MIPOL1: variants seen among roughly 807,000 people sequenced by gnomAD.
MIPOL1 encodes mirror-image polydactyly 1, also known as mirror-image polydactyly gene 1 protein.
A neutral mutation model predicts 60.9 loss-of-function variants in MIPOL1; 57 were observed. The ratio of observed to expected loss-of-function variants is 0.94; its 90% CI spans 0.76 to 1.17. The LOEUF is 1.17. Ranked by LOEUF, MIPOL1 falls within the 50% of genes most tolerant of loss-of-function variation. The probability of loss-of-function intolerance (pLI) is 0.00; values close to 1 mark genes in which losing one functional copy is unlikely to be tolerated. For missense variants in MIPOL1, 551 were observed against 511.6 expected, an observed-to-expected ratio of 1.08 and a Z score of -0.74; for synonymous variants, 179 against 168.8, an observed-to-expected ratio of 1.06 and a Z score of -0.47.
chr14:37,294,968 T>G (rs547032588), intron 7 of MIPOL1, among the ~76,000 whole-genome samples: 1 of 152,074 alleles, frequency 6.6e-6, no homozygotes, highest in Non-Finnish European at 1.5e-5. Context: ...ACAAAGATAC[T>G]CCTCAAGAAG....
chr14:37,291,821 A>ACATTAATT (rs2085082919), intron 7 of MIPOL1, among the ~76,000 whole-genome samples: 1 of 151,980 alleles, frequency 6.6e-6, no homozygotes, highest in Non-Finnish European at 1.5e-5. Flanking sequence ...TTCTATAATG[A>ACATTAATT]CATTAATTCA....
At chr14:37,370,842 A>T (rs2092619216) in intron 10 of MIPOL1, among the ~76,000 whole-genome samples, 2 of 152,162 alleles carry the variant, frequency 1.3e-5, no homozygotes, top group Non-Finnish European at 2.9e-5. Context: ...GAAAACTAAT[A>T]ATAATTTTTA....
intron 10 of MIPOL1, chr14:37,385,880 G>A (rs140011176): frequency 3.3e-5 from 5 of 152,140 alleles, no homozygotes; most frequent in African/African-American, 1.2e-4. Flanking sequence ...AAAATTGCAT[G>A]AACCAAAGTG....
intron 11 of MIPOL1, among the ~76,000 whole-genome samples, chr14:37,431,601 C>T (rs2094069610): frequency 3.1e-5 from 1 of 32,516 alleles, no homozygotes; most frequent in Non-Finnish European, 5.8e-5. Context: ...TTTTTTGAGA[C>T]AGAGTCTTGC....
In MIPOL1 at chr14:37,264,694, A is replaced by G. The variant is rs192476996; in HGVS notation, c.20-2244A>G. 6.4e-4 allele frequency among the ~76,000 whole-genome samples: 98 copies of G among 152,188 alleles called. 1 individual carries two copies. The highest frequency in any genetic ancestry group is 1.0e-3 in the Non-Finnish European group (68 of 67,992). On this transcript the variant is annotated intron_variant, in intron 3 of 12. Coordinates refer to ENST00000684589, the MANE Select transcript of MIPOL1 (RefSeq NM_001388067.1). ...AAAGCAAGCATGATAAAATGTTAAT[A>G]TTTGGGGAGTCTAGGTAAAGGGCAT...
At chr14:37,338,866 T>C (rs1202698372) in intron 9 of MIPOL1, among the ~76,000 whole-genome samples, 1 of 152,178 alleles carries the variant, frequency 6.6e-6, no homozygotes, top group Non-Finnish European at 1.5e-5. Context: ...ACAAGACAGC[T>C]AACACTTTAA....
Position 37,418,803 on chromosome 14 carries a change from G to A in MIPOL1, c.937-4052G>A, listed in dbSNP as rs61081581. ...CGAAAGAATGCCTAACTGATAGTAG[G>A]TGGTCAAAAAGTGGCATTGATTTGT... On this transcript the variant is annotated intron_variant, in intron 10 of 12. Transcript: ENST00000684589. Among the ~76,000 whole-genome samples, 1,333 of 152,110 alleles carry A rather than the reference G, an allele frequency of 8.8e-3. 20 individuals are homozygous for A. The highest frequency in any genetic ancestry group is 0.031 in the African/African-American group (1,278 of 41,528).
chr14:37,324,482 G>A (rs2088937436), intron 9 of MIPOL1, among the ~76,000 whole-genome samples: 1 of 152,124 alleles, frequency 6.6e-6, no homozygotes, highest in African/African-American at 2.4e-5. Context: ...TCCGTTGTCA[G>A]ATACGTGTAT....
chr14:37,221,120 C>T (rs376813649), intron 1 of MIPOL1, among the ~76,000 whole-genome samples: 2 of 151,894 alleles, frequency 1.3e-5, no homozygotes, highest in East Asian at 3.9e-4. Flanking sequence ...AGCTCAGGTT[C>T]TACATGTAAA....
At chr14:37,243,151 G>T (rs1250192270) in intron 1 of MIPOL1, among the ~76,000 whole-genome samples, 1 of 152,116 alleles carries the variant, frequency 6.6e-6, no homozygotes, top group Non-Finnish European at 1.5e-5. Flanking sequence ...ATGGAACTGT[G>T]GGGTCAAATA....
At chr14:37,245,421 A>G (rs948056850) in intron 1 of MIPOL1, among the ~76,000 whole-genome samples, 2 of 152,270 alleles carry the variant, frequency 1.3e-5, no homozygotes, top group Middle Eastern at 3.4e-3. Flanking sequence ...AAAGCAATTA[A>G]CTTACAGTGT....
chr14:37,293,122 A>C (rs2153419298), intron 7 of MIPOL1, among the ~76,000 whole-genome samples: 2 of 133,870 alleles, frequency 1.5e-5, no homozygotes, highest in South Asian at 5.0e-4. Context: ...TTACGTAATA[A>C]GGCTTTTCTT....
Position 37,456,487 on chromosome 14 carries a change from T to C in MIPOL1, c.1031+33538T>C, listed in dbSNP as rs573638277. Among the ~76,000 whole-genome samples the C allele has an allele frequency of 6.6e-5, 10 of 152,236 alleles. No individual in the cohort carries two copies. The East Asian group carries it at 1.7e-3, about 26-fold the overall frequency. ...CAGATAAAGGAAATACAATTTTTAT[T>C]AGTGAAAAGACCCTAACATTCTTTG... On this transcript the variant is annotated intron_variant, in intron 11 of 12. Coordinates refer to ENST00000684589, the MANE Select transcript of MIPOL1 (RefSeq NM_001388067.1).
At chr14:37,277,617 T>C (rs930877554) in intron 6 of MIPOL1, 1 of 151,276 alleles carries the variant, frequency 6.6e-6, no homozygotes, top group African/African-American at 2.4e-5. Context: ...AAACATACTA[T>C]TTTGCATAAT....
chr14:37,515,762 TCAAGAA>T (rs36207758), intron 12 of MIPOL1, among the ~76,000 whole-genome samples: 57,884 of 151,356 alleles, frequency 0.38, 13,261 homozygotes, highest in Non-Finnish European at 0.51. Flanking sequence ...GTAGCACAGT[TCAAGAA>T]CAAGAATGAA....
intron 10 of MIPOL1, among the ~76,000 whole-genome samples, chr14:37,398,767 G>C (rs538067722): frequency 6.6e-6 from 1 of 152,078 alleles, no homozygotes; most frequent in Admixed American, 6.6e-5. Flanking sequence ...AGATCTTTTC[G>C]TTTTTCTTTG....
At chr14:37,521,444 T>A (rs1305989660) in intron 12 of MIPOL1, among the ~76,000 whole-genome samples, 1 of 152,162 alleles carries the variant, frequency 6.6e-6, no homozygotes, top group Non-Finnish European at 1.5e-5. Context: ...GAACACAATT[T>A]ATAGATCTCG....
At chr14:37,455,895 C>T (rs374553918) in intron 11 of MIPOL1, among the ~76,000 whole-genome samples, 2 of 152,026 alleles carry the variant, frequency 1.3e-5, no homozygotes, top group African/African-American at 4.8e-5. Flanking sequence ...TGTCAATAAT[C>T]TCCTTAATAG....
rs191093799 is a variant in MIPOL1 at position 37,210,366 on chromosome 14, G to A, written c.-199+12262G>A. Among the ~76,000 whole-genome samples the A allele has an allele frequency of 6.6e-5, 10 of 151,834 alleles. No individual in the cohort carries two copies. In the East Asian group the frequency reaches 2.0e-3, roughly 30 times the overall value. ...TTCCCATTACCTTCTCTTTAGTTTT[G>A]ATTAAATTGCTGGAGCGGCTCACAG... On this transcript the variant is annotated intron_variant, in intron 1 of 12. Transcript: ENST00000684589.
Sources: allele counts gnomAD v4.1 joint callset (sites outside exome capture counted in the v4.1 genomes callset), GRCh38; gene constraint gnomAD v4.1.1; transcripts MANE v1.5; gene names NCBI Gene and HGNC (gene_info 2026-07-23, HGNC 2026-07-21).